Variants in C3 observed in about 807,000 individuals in gnomAD.
C3 encodes C3 and PZP-like alpha-2-macroglobulin domain-containing protein 1.
In C3, 97 loss-of-function variants were observed where a neutral mutation model predicts 207.9. The observed-to-expected ratio is 0.47, with a 90% CI of 0.40 to 0.55. The LOEUF (loss-of-function observed/expected upper bound fraction) is 0.55, where lower values mean the gene tolerates loss of function less well. Ranked by LOEUF, C3 falls within the 20% of genes least tolerant of loss-of-function variation. The probability of loss-of-function intolerance (pLI) is 0.00; values close to 1 mark genes in which losing one functional copy is unlikely to be tolerated. For missense variants in C3, 1,684 were observed against 2,171.7 expected (o/e 0.78, Z 4.46); for synonymous variants, 848 against 857.6 (o/e 0.99, Z 0.20).
rs945788692 is a variant in C3, at chr19:6,712,153, G to A, written c.1269+104C>T. The stretch of plus-strand genomic sequence containing the variant: ...GCGCAGGAGAGAACCTCTCTATGCA[G>A]ATGAGAATATCTGTATGCAAATGAC... On this transcript the variant is annotated intron_variant, in intron 11 of 40. Transcript: ENST00000245907. The A allele has an allele frequency of 3.1e-5, 45 of 1,441,740 alleles. 3 individuals are homozygous for A. Among genetic ancestry groups the A allele is most frequent in the Admixed American group, 2.0e-4 (12 of 58,984 alleles). 89.3% of individuals were successfully genotyped at this position (1,441,740 alleles called of 1,614,324 possible).
At chr19:6,714,609 C>T (rs1599526066) in intron 4 of C3, among the ~76,000 whole-genome samples, 163 bp from the exon 5 acceptor site, 1 of 152,358 alleles carries the variant, frequency 6.6e-6, no homozygotes, top group East Asian at 1.9e-4. Flanking sequence ...CGCCTGTCAT[C>T]CCAGCACTCT....
intron 19 of C3, 144 bp from the exon 20 acceptor site, chr19:6,697,938 C>T (rs898205484): frequency 3.0e-6 from 2 of 675,176 alleles, no homozygotes; most frequent in African/African-American, 3.6e-5. Flanking sequence ...TAAACGCTGT[C>T]AATGGCGACA....
chr19:6,689,984 A>AAAAC (rs1440088964), intron 27 of C3, among the ~76,000 whole-genome samples: 3 of 152,160 alleles, frequency 2.0e-5, no homozygotes, highest in Non-Finnish European at 4.4e-5. Flanking sequence ...TCCATCACAA[A>AAAAC]AAATAAACAA....
intron 7 of C3, 24 bp from the exon 8 acceptor site, chr19:6,713,533 T>C (rs1300175460): frequency 1.3e-6 from 2 of 1,546,510 alleles, no homozygotes; most frequent in Non-Finnish European, 1.8e-6. Context: ...AAGGAGGGCT[T>C]CAGGTCCATC....
chr19:6,691,184 G>C (rs146115597), intron 26 of C3, among the ~76,000 whole-genome samples: 194 of 151,732 alleles, frequency 1.3e-3, no homozygotes, highest in African/African-American at 4.4e-3. Flanking sequence ...CTCCGAAGTA[G>C]CTGGGATTAC....
rs11569421 is a variant in C3, at chr19:6,711,707, G to A, written c.1270-511C>T. ...GTGCGCAGCCTGGGAGCTGCAGAGGGACTGGGAGGCCATCTGCAACCTCCG... is the reference window on the plus strand; with the variant it reads ...GTGCGCAGCCTGGGAGCTGCAGAGGAACTGGGAGGCCATCTGCAACCTCCG... On this transcript the variant is annotated intron_variant, in intron 11 of 40. Coordinates refer to ENST00000245907, the MANE Select transcript of C3 (RefSeq NM_000064.4). Among the ~76,000 whole-genome samples the A allele has an allele frequency of 6.4e-3, 982 of 152,320 alleles. 12 individuals carry two copies. The highest frequency in any genetic ancestry group is 0.02 in the African/African-American group (817 of 41,562).
intron 23 of C3, among the ~76,000 whole-genome samples, chr19:6,696,102 C>T (rs963184772): frequency 2.6e-4 from 38 of 147,276 alleles, no homozygotes; most frequent in African/African-American, 4.0e-4. Flanking sequence ...CCCAGCTACT[C>T]GGGAGGCTGA....
In C3 at chr19:6,712,340, T is replaced by A; in HGVS notation, c.1186A>T (p.Thr396Ser). The change falls in exon 11 of 41, where the codon ACT becomes TCT. Residue 396 changes from threonine to serine, a missense_variant. By Grantham distance (58) the Thr-to-Ser change is moderately conservative. Around this residue, in one of 3 missense-constraint regions of C3, gnomAD observed 1,280 missense variants for 1,739.1 expected, o/e 0.74. Transcript: ENST00000245907. ...RVPVAVQGED[T>S]VQSLTQGDGV... ...TCTCCCTGGGTTAGAGACTGCACAG[T>A]GTCCTCGCCCTGGACTGCCACGGGG... 1 of 1,614,132 alleles carries A rather than the reference T, an allele frequency of 6.2e-7. No individual in the cohort carries two copies. Among genetic ancestry groups the A allele is most frequent in the South Asian group, 1.1e-5 (1 of 91,088 alleles).
chr19:6,717,643 GTT>G (rs1282795702), intron 4 of C3: 3 of 296,882 alleles, frequency 1.0e-5, no homozygotes, highest in African/African-American at 2.4e-5. Flanking sequence ...GTGGTTGTGT[GTT>G]GTGTGTGGTG....
In C3 at chr19:6,713,407, C is replaced by T. The variant is rs754908769; in HGVS notation, c.876G>A (p.Pro292=). The change falls in exon 8 of 41, where the codon CCG becomes CCA. Residue 292 remains proline, a splice_region_variant and synonymous_variant. Transcript: ENST00000245907. ...TCAAAGCGGCCTCCGTCTATGGTACCGGAATGCGCTTGAGGGATTCAGGCA... is the reference window on the plus strand; with the variant it reads ...TCAAAGCGGCCTCCGTCTATGGTACTGGAATGCGCTTGAGGGATTCAGGCA... ...ISLPESLKRI[P]IEDGSGEVVL... is the part of the protein sequence containing the mutation. 6 of 1,613,882 alleles carry T rather than the reference C, an allele frequency of 3.7e-6. No individual in the cohort carries two copies. The highest frequency in any genetic ancestry group is 1.7e-5 in the Admixed American group (1 of 59,998).
chr19:6,696,496 C>G, intron 22 of C3, 31 bp from the exon 23 acceptor site: 4 of 1,598,840 alleles, frequency 2.5e-6, no homozygotes, highest in Non-Finnish European at 3.4e-6. Flanking sequence ...ACCGATGGCT[C>G]TAGCTCCCTC....
chr19:6,712,136 G>T, intron 11 of C3, 121 bp downstream of exon 11: 2 of 1,308,688 alleles, frequency 1.5e-6, no homozygotes, highest in African/African-American at 1.4e-5. Flanking sequence ...CTGCGCAGGA[G>T]AGAACCTCTC....
chr19:6,684,498 C>A (rs1032493484), intron 32 of C3, 59 bp from the exon 33 acceptor site: 3 of 1,576,960 alleles, frequency 1.9e-6, no homozygotes, highest in Non-Finnish European at 1.7e-6. Context: ...GATTCAGGAG[C>A]GGGGAAGACA....
chr19:6,710,937 G>A lies in C3; in HGVS notation c.1479+50C>T, dbSNP rs10411506. On this transcript the variant is annotated intron_variant, in intron 12 of 40. Transcript: ENST00000245907. Reference sequence around the variant, plus strand: ...ATGGGGGAAGGAGTCCCAGGGGTGCGGAAGAAACAAGGAGGAGGCGGGGGC... The same window carrying A: ...ATGGGGGAAGGAGTCCCAGGGGTGCAGAAGAAACAAGGAGGAGGCGGGGGC... 230,504 of 1,603,574 alleles carry A rather than the reference G, an allele frequency of 0.14. 19,069 individuals carry two copies. The highest frequency in any genetic ancestry group is 0.41 in the East Asian group (18,490 of 44,800).
Position 6,700,170 on chromosome 19 carries a change from T to C in C3, c.2440+1957A>G, listed in dbSNP as rs186939697. ...TAAATTTCTTATAAATTATAATACA[T>C]ATTATATGTTTACATAATATATTAC... On this transcript the variant is annotated intron_variant, in intron 19 of 40. Transcript: ENST00000245907. Among the ~76,000 whole-genome samples, 28 of 141,416 alleles carry C rather than the reference T, an allele frequency of 2.0e-4. No individual in the cohort carries two copies. In the East Asian group the frequency reaches 5.2e-3, roughly 26 times the overall value. 92.8% of individuals were successfully genotyped at this position (141,416 alleles called of 152,430 possible).
chr19:6,697,804 C>A lies in C3; in HGVS notation c.2441-10G>T, dbSNP rs1402818609. ...TCTGCCACACAGATCCCTGCTCGGG[C>A]AGAGACAGAACACGGAGTGTCAAGG... is the stretch of plus-strand genomic sequence containing the variant. On this transcript the variant is annotated splice_polypyrimidine_tract_variant and intron_variant, in intron 19 of 40. Coordinates refer to ENST00000245907, the MANE Select transcript of C3 (RefSeq NM_000064.4). The A allele has an allele frequency of 2.5e-6, 4 of 1,611,334 alleles. No homozygotes were observed. Among genetic ancestry groups the A allele is most frequent in the Non-Finnish European group, 3.4e-6 (4 of 1,179,270 alleles).
At chr19:6,680,116 C>T (rs1369627101) in intron 36 of C3, 42 bp downstream of exon 36, 1 of 1,066,540 alleles carries the variant, frequency 9.4e-7, no homozygotes, top group East Asian at 2.4e-5. Context: ...ACTCTCAGGC[C>T]CCTGGAACCA....
At position 6,677,968 on chromosome 19, in the gene C3, C is replaced by G. The variant is rs139388954; in HGVS notation, c.4906G>C (p.Glu1636Gln). Residue 1636 changes from glutamate (E) to glutamine (Q), a missense_variant, in exon 41 of 41, where the codon GAA (glutamate) becomes CAA (glutamine). Coordinates refer to ENST00000245907, the MANE Select transcript of C3 (RefSeq NM_000064.4). ...TTCTGGTTCTCTTCGTCTTGGCATTCGTCCTCCTCGGGCCAGTGCTCCACC... is the reference window on the plus strand; with the variant it reads ...TTCTGGTTCTCTTCGTCTTGGCATTGGTCCTCCTCGGGCCAGTGCTCCACC... ...TWVEHWPEED[E>Q]CQDEENQKQC... is the part of the protein sequence containing the mutation. 1.5e-5 allele frequency: 24 copies of G among 1,614,014 alleles called. No homozygotes were observed. The highest frequency in any genetic ancestry group is 1.9e-5 in the Non-Finnish European group (23 of 1,180,034).
intron 17 of C3, among the ~76,000 whole-genome samples, chr19:6,704,373 C>T (rs980885332): frequency 1.2e-4 from 18 of 152,180 alleles, no homozygotes; most frequent in African/African-American, 4.1e-4. Context: ...ACTCAAACTG[C>T]ACTTTCCTCA....
Sources: gnomAD v4.1 joint callset for allele counts (sites outside exome capture counted in the v4.1 genomes callset) on GRCh38, gnomAD v4.1.1 for gene constraint, gnomAD v4.1.1 regional missense constraint, MANE v1.5 for transcripts, NCBI Gene and HGNC (gene_info 2026-07-23, HGNC 2026-07-21) for gene names.